COBLL1: variants seen among roughly 807,000 people sequenced by gnomAD.
COBLL1 encodes the protein cordon-bleu WH2 repeat protein like 1.
In COBLL1, 50 loss-of-function variants were observed where a neutral mutation model predicts 94.8. The observed-to-expected ratio is 0.53, with a 90% CI of 0.42 to 0.67. The LOEUF (loss-of-function observed/expected upper bound fraction) is 0.67, where lower values mean the gene tolerates loss of function less well. COBLL1 is among the 30% of genes least tolerant of loss of function. The pLI is 0.00. For synonymous variants in COBLL1, 448 were observed against 473.8 expected (o/e 0.95, Z 0.71); for missense variants, 1,362 against 1,348.7 (o/e 1.01, Z -0.15).
At chr2:164,747,425 T>A (rs12616075) in intron 2 of COBLL1, among the ~76,000 whole-genome samples, 1 of 152,130 alleles carries the variant, frequency 6.6e-6, no homozygotes, top group African/African-American at 2.4e-5. Flanking sequence ...TCACTATACA[T>A]AAGCCAATTT....
chr2:164,819,019 C>T (rs2105357521), intron 2 of COBLL1, among the ~76,000 whole-genome samples: 1 of 151,982 alleles, frequency 6.6e-6, no homozygotes, highest in Non-Finnish European at 1.5e-5. Context: ...GATCCTCCTG[C>T]CTCAGCCTCT....
At chr2:164,740,817 C>G (rs1686548157) in intron 3 of COBLL1, among the ~76,000 whole-genome samples, 1 of 151,924 alleles carries the variant, frequency 6.6e-6, no homozygotes, top group African/African-American at 2.4e-5. Context: ...GATCAGGGAG[C>G]CTTTATATAA....
Position 164,683,110 on chromosome 2 carries a change from A to C in COBLL1, c.*2836T>G, listed in dbSNP as rs886945714. ...TCTATATAGGGCTTCATATCAAAAT[A>C]TTAACAGCTATCTTTGGAGAGGAGA... On this transcript the variant is annotated 3_prime_UTR_variant, in exon 14 of 14. Coordinates refer to ENST00000652658, the MANE Select transcript of COBLL1 (RefSeq NM_001365672.2). 5.9e-5 allele frequency: 9 copies of C among 151,986 alleles called. No homozygotes were observed. Among genetic ancestry groups the C allele is most frequent in the Non-Finnish European group, 1.3e-4 (9 of 67,992 alleles). The allele number at this position is 151,986 out of a possible 1,614,324, so 9.4% of individuals were successfully genotyped here. A position where few individuals can be genotyped will look rare whatever the true frequency, so the allele number is the denominator to read the frequency against.
At chr2:164,675,579 T>G (rs1691322345), downstream of COBLL1, among the ~76,000 whole-genome samples, 1 of 152,134 alleles carries the variant, frequency 6.6e-6, no homozygotes, top group African/African-American at 2.4e-5. Flanking sequence ...TAAAACAAAA[T>G]GATTTTTTAG....
At chr2:164,833,224 C>T (rs1047407934) in intron 2 of COBLL1, among the ~76,000 whole-genome samples, 1 of 151,902 alleles carries the variant, frequency 6.6e-6, no homozygotes, top group Non-Finnish European at 1.5e-5. Context: ...CATGGTGGCA[C>T]ATGCCTGTAA....
At chr2:164,741,498 G>A (rs1686592923) in intron 3 of COBLL1, among the ~76,000 whole-genome samples, 2 of 150,718 alleles carry the variant, frequency 1.3e-5, no homozygotes, top group African/African-American at 4.9e-5. Flanking sequence ...AATGAAGAGA[G>A]CCCAGGGTTA....
At chr2:164,769,789 AC>A (rs146891141) in intron 2 of COBLL1, among the ~76,000 whole-genome samples, 1 of 151,384 alleles carries the variant, frequency 6.6e-6, no homozygotes, top group African/African-American at 2.4e-5. Flanking sequence ...TGCCACATAT[AC>A]CCCCCCCAGA....
At chr2:164,790,018 A>G (rs1428390262) in intron 2 of COBLL1, among the ~76,000 whole-genome samples, 1 of 152,228 alleles carries the variant, frequency 6.6e-6, no homozygotes, top group African/African-American at 2.4e-5. Context: ...GATGAAGGGG[A>G]AAAATACATA....
At chr2:164,824,942 G>A (rs1433023818) in intron 2 of COBLL1, among the ~76,000 whole-genome samples, 1 of 152,176 alleles carries the variant, frequency 6.6e-6, no homozygotes, top group Non-Finnish European at 1.5e-5. Context: ...AAGCAAAGTG[G>A]TCAAGCAAAT....
At chr2:164,727,096 T>A in intron 5 of COBLL1, 1 of 1,443,338 alleles carries the variant, frequency 6.9e-7, no homozygotes, top group Non-Finnish European at 9.4e-7. Flanking sequence ...TACTGATTCA[T>A]ACATCTTACC....
chr2:164,705,942 G>C (rs746262119), intron 7 of COBLL1, among the ~76,000 whole-genome samples: 5 of 152,214 alleles, frequency 3.3e-5, no homozygotes, highest in Non-Finnish European at 5.9e-5. Context: ...GCTAAGGCAG[G>C]AGAATCGCTT....
chr2:164,800,414 C>A, intron 2 of COBLL1: 2 of 579,394 alleles, frequency 3.5e-6, no homozygotes, highest in South Asian at 2.3e-5. Context: ...TAAATACCAA[C>A]GATACTATGT....
At chr2:164,686,671 T>C (rs1683311992) in intron 13 of COBLL1, among the ~76,000 whole-genome samples, 1 of 152,026 alleles carries the variant, frequency 6.6e-6, no homozygotes, top group Non-Finnish European at 1.5e-5. Context: ...TCACAAACTA[T>C]AAGTGAATAA....
At position 164,829,933 on chromosome 2, in the gene COBLL1, A is replaced by G. The variant is rs73968277; in HGVS notation, c.41+11223T>C. Among the ~76,000 whole-genome samples the G allele has an allele frequency of 8.1e-3, 1,228 of 152,278 alleles. 18 individuals are homozygous for G. The highest frequency in any genetic ancestry group is 0.028 in the African/African-American group (1,171 of 41,548). On this transcript the variant is annotated intron_variant, in intron 2 of 13. Coordinates refer to ENST00000652658, the MANE Select transcript of COBLL1 (RefSeq NM_001365672.2). The stretch of plus-strand genomic sequence containing the variant: ...CTTTTCTTGCACTCCTTCCACTTCC[A>G]TAAGAATGTTTGACATAGGTCCATA...
intron 2 of COBLL1, chr2:164,761,456 CAA>C (rs60352455): frequency 2.6e-4 from 34 of 128,304 alleles, no homozygotes; most frequent in African/African-American, 4.6e-4. Flanking sequence ...AACTCCATCT[CAA>C]AAAAAAAAAA....
chr2:164,765,740 T>A (rs991643227), intron 2 of COBLL1, among the ~76,000 whole-genome samples: 5 of 152,106 alleles, frequency 3.3e-5, no homozygotes, highest in African/African-American at 1.2e-4. Context: ...AAACAATAAT[T>A]GAAACACACA....
intron 2 of COBLL1, among the ~76,000 whole-genome samples, chr2:164,795,216 A>G (rs72882431): frequency 0.015 from 2,353 of 152,334 alleles, 29 homozygotes; most frequent in South Asian, 0.028. Context: ...AAGAAACAAT[A>G]CAGTATTTTG....
chr2:164,735,822 G>C (rs1686274446), intron 3 of COBLL1, among the ~76,000 whole-genome samples: 1 of 152,166 alleles, frequency 6.6e-6, no homozygotes, highest in Non-Finnish European at 1.5e-5. Flanking sequence ...CAGAAAAGAT[G>C]CCTGTCTTCC....
chr2:164,827,174 C>A lies in COBLL1; in HGVS notation c.41+13982G>T, dbSNP rs899854957. Among the ~76,000 whole-genome samples the A allele has an allele frequency of 4.6e-5, 7 of 152,098 alleles. No individual in the cohort carries two copies. In the South Asian group the frequency reaches 8.3e-4, roughly 18 times the overall value. On this transcript the variant is annotated intron_variant, in intron 2 of 13. Coordinates refer to ENST00000652658, the MANE Select transcript of COBLL1 (RefSeq NM_001365672.2). ...ATGCTGGCCAGGCTGGTCTCGAACT[C>A]CTGAACTCAAGTGATCCACCCACCT... is the stretch of plus-strand genomic sequence containing the variant.
Sources: gnomAD v4.1 joint callset for allele counts (sites outside exome capture counted in the v4.1 genomes callset) on GRCh38, gnomAD v4.1.1 for gene constraint, MANE v1.5 for transcripts, NCBI Gene and HGNC (gene_info 2026-07-23, HGNC 2026-07-21) for gene names.